Variants in NAV2 observed in about 807,000 individuals in gnomAD.
NAV2 encodes the protein helicase, APC down-regulated 1.
Under a neutral mutation model 223.2 loss-of-function variants are expected in NAV2, and 54 were observed. That is an observed-to-expected ratio of 0.24 (90% CI 0.19 to 0.30). The LOEUF is 0.30. Among genes scored for constraint, NAV2 ranks in the 10% least tolerant of loss-of-function variants. NAV2 has a pLI of 1.00. For missense variants in NAV2, 2,806 were observed against 3,147.5 expected (o/e 0.89, Z 2.60); for synonymous variants, 1,279 against 1,239.3 (o/e 1.03, Z -0.67).
chr11:19,437,750 C>G (rs1408596059), intron 1 of NAV2, among the ~76,000 whole-genome samples: 1 of 152,152 alleles, frequency 6.6e-6, no homozygotes, highest in Non-Finnish European at 1.5e-5. Flanking sequence ...ACGATGCATT[C>G]TCATCACTTC....
chr11:19,868,436 C>A (rs1203496105), intron 3 of NAV2, among the ~76,000 whole-genome samples: 1 of 152,128 alleles, frequency 6.6e-6, no homozygotes, highest in Non-Finnish European at 1.5e-5. Context: ...GAGGTCACAG[C>A]CCTCCCCAGT....
At chr11:19,992,583 C>CTTTTTTTTTTTT (rs780559920) in intron 11 of NAV2, among the ~76,000 whole-genome samples, 1 of 103,582 alleles carries the variant, frequency 9.7e-6, no homozygotes, top group Non-Finnish European at 1.8e-5. Flanking sequence ...TCCTGAAGTA[C>CTTTTTTTTTTTT]TTTTTTTTTT....
intron 1 of NAV2, among the ~76,000 whole-genome samples, chr11:19,435,022 A>G (rs1851166283): frequency 6.6e-6 from 1 of 152,164 alleles, no homozygotes; most frequent in Non-Finnish European, 1.5e-5. Flanking sequence ...GTTTCAGTAC[A>G]TATATACATT....
At chr11:19,757,569 A>T (rs2054337423) in intron 1 of NAV2, among the ~76,000 whole-genome samples, 1 of 152,186 alleles carries the variant, frequency 6.6e-6, no homozygotes, top group African/African-American at 2.4e-5. Context: ...TAGAGTGGGT[A>T]ATTCCTCTTT....
intron 6 of NAV2, among the ~76,000 whole-genome samples, chr11:19,909,977 T>C (rs1279692671): frequency 6.6e-6 from 1 of 152,128 alleles, no homozygotes; most frequent in Non-Finnish European, 1.5e-5. Flanking sequence ...ACTGAAACAG[T>C]AACAACAAAG....
At chr11:19,955,500 G>A (rs887171124) in intron 10 of NAV2, among the ~76,000 whole-genome samples, 2 of 152,222 alleles carry the variant, frequency 1.3e-5, no homozygotes, top group Non-Finnish European at 2.9e-5. Context: ...TGAGTTTGAG[G>A]ACGTAGCCAC....
At position 20,068,431 on chromosome 11, in the gene NAV2, C is replaced by T. The variant is rs747780161; in HGVS notation, c.4983+33C>T. ...CAGACATAGGGCAGTAGCATCGGGACAGGAAGCACCATCCTTGCCTTCTGA... is the reference window on the plus strand; with the variant it reads ...CAGACATAGGGCAGTAGCATCGGGATAGGAAGCACCATCCTTGCCTTCTGA... On this transcript the variant is annotated intron_variant, in intron 22 of 37. Coordinates refer to ENST00000349880, the MANE Select transcript of NAV2 (RefSeq NM_145117.5). The T allele has an allele frequency of 5.9e-6, 9 of 1,520,020 alleles. No individual in the cohort carries two copies. In the Admixed American group the frequency reaches 8.4e-5, roughly 14 times the overall value. The allele number at this position is 1,520,020 out of a possible 1,614,324, so 94.2% of individuals were successfully genotyped here.
chr11:20,110,684 A>G (rs2062549692), intron 36 of NAV2, among the ~76,000 whole-genome samples: 1 of 152,168 alleles, frequency 6.6e-6, no homozygotes, highest in African/African-American at 2.4e-5. Flanking sequence ...ACTGAATTTT[A>G]TAGAGTGGAG....
chr11:19,617,703 A>G lies in NAV2; in HGVS notation c.76-214781A>G, dbSNP rs572138203. On this transcript the variant is annotated intron_variant, in intron 1 of 37. Coordinates refer to the NAV2 transcript ENST00000360655. Reference sequence around the variant, plus strand: ...CCCTGAGGAGACAGTTTTGGTTGAAACCTGAATGAAAAGAAGCAGTACAAC... The same window carrying G: ...CCCTGAGGAGACAGTTTTGGTTGAAGCCTGAATGAAAAGAAGCAGTACAAC... Among the ~76,000 whole-genome samples the G allele has an allele frequency of 2.0e-5, 3 of 152,212 alleles. No individual in the cohort carries two copies. The East Asian group carries it at 5.8e-4, about 29-fold the overall frequency.
chr11:19,804,346 A>T (rs1590638455), intron 1 of NAV2, among the ~76,000 whole-genome samples: 1 of 152,346 alleles, frequency 6.6e-6, no homozygotes, highest in Non-Finnish European at 1.5e-5. Flanking sequence ...AGTGGCAATT[A>T]CAGTTCCCAA....
chr11:19,376,995 G>A (rs890810868), intron 1 of NAV2, among the ~76,000 whole-genome samples: 3 of 152,200 alleles, frequency 2.0e-5, no homozygotes, highest in African/African-American at 7.2e-5. Context: ...AAAGGGAAAG[G>A]CATTCCCAGT....
At chr11:19,983,341 A>G (rs574548098) in intron 10 of NAV2, among the ~76,000 whole-genome samples, 1 of 152,318 alleles carries the variant, frequency 6.6e-6, no homozygotes, top group African/African-American at 2.4e-5. Flanking sequence ...CACTGATTTC[A>G]TCAGAAGACA....
rs781482986 is a variant in NAV2, at chr11:20,114,721, G to C, written c.7090G>C (p.Asp2364His). 2 of 1,613,956 alleles carry C rather than the reference G, an allele frequency of 1.2e-6. No homozygotes were observed. Among genetic ancestry groups the C allele is most frequent in the Admixed American group, 1.7e-5 (1 of 59,990 alleles). The part of the protein sequence containing the change: ...LQLRPEDVGF[D>H]GYSMPREGST... Reference sequence around the variant, plus strand: ...GTTACGGCCTGAGGATGTCGGCTTCGACGGCTACTCCATGCCTCGGGAGGG... The same window carrying C: ...GTTACGGCCTGAGGATGTCGGCTTCCACGGCTACTCCATGCCTCGGGAGGG... The change falls in exon 37 of 38, where the codon GAC (aspartate) becomes CAC (histidine). Residue 2364 changes from aspartate to histidine, a missense_variant. Physicochemically the swap from Asp to His is moderately conservative, Grantham distance 81. Coordinates refer to ENST00000349880, the MANE Select transcript of NAV2 (RefSeq NM_145117.5).
chr11:19,828,801 C>T (rs1481063995), intron 1 of NAV2, among the ~76,000 whole-genome samples: 1 of 152,148 alleles, frequency 6.6e-6, no homozygotes, highest in African/African-American at 2.4e-5. Flanking sequence ...GAGCTGCGCC[C>T]TAGGAAAGTT....
At chr11:20,041,201 G>A (rs184845017) in intron 12 of NAV2, among the ~76,000 whole-genome samples, 3 of 152,256 alleles carry the variant, frequency 2.0e-5, no homozygotes, top group Non-Finnish European at 4.4e-5. Flanking sequence ...CATATACCTC[G>A]ACTTATCCTT....
rs2052231156 is a variant in NAV2 at position 19,998,821 on chromosome 11, A to G, written c.2768+14574A>G. On this transcript the variant is annotated intron_variant, in intron 11 of 37. Coordinates refer to ENST00000349880, the MANE Select transcript of NAV2 (RefSeq NM_145117.5). This position sits in a 1 kb window ranked among gnomAD's most constrained non-coding sequence, Gnocchi z 5.0. ...GACCACTCAATCTAAAGAAAGTTTC[A>G]GCTGTTGGTTTCTTTTTGGAAACTG... Among the ~76,000 whole-genome samples the G allele has an allele frequency of 6.6e-6, 1 of 152,188 alleles. No individual in the cohort carries two copies. Among genetic ancestry groups the G allele is most frequent in the Non-Finnish European group, 1.5e-5 (1 of 68,032 alleles).
At chr11:19,954,128 G>C (rs2047631024) in intron 10 of NAV2, among the ~76,000 whole-genome samples, 1 of 152,190 alleles carries the variant, frequency 6.6e-6, no homozygotes, top group South Asian at 2.1e-4. Context: ...GATAGAGGCT[G>C]TGGTCTCAAT....
chr11:19,447,025 G>T lies in NAV2; in HGVS notation c.75+95998G>T, dbSNP rs1309349296. Among the ~76,000 whole-genome samples the T allele has an allele frequency of 2.0e-5, 3 of 152,198 alleles. No individual in the cohort carries two copies. The East Asian group carries it at 5.8e-4, about 29-fold the overall frequency. On this transcript the variant is annotated intron_variant, in intron 1 of 37. Transcript: ENST00000360655. ...AGGAAGTGAGGTTACTATGCTGCCT[G>T]CTGGACCAGAAGGGAGTTCTATGTA...
At chr11:19,553,517 A>ACACACT (rs1175595219) in intron 1 of NAV2, among the ~76,000 whole-genome samples, 1 of 151,572 alleles carries the variant, frequency 6.6e-6, no homozygotes, top group Non-Finnish European at 1.5e-5. Flanking sequence ...GACCACACAC[A>ACACACT]CACACCTCTC....
Sources: allele counts gnomAD v4.1 joint callset (sites outside exome capture counted in the v4.1 genomes callset), GRCh38; gene constraint gnomAD v4.1.1; non-coding constraint Gnocchi (gnomAD v3.1); transcripts MANE v1.5; gene names NCBI Gene and HGNC (gene_info 2026-07-23, HGNC 2026-07-21).